Variants in CSMD1 observed in about 807,000 individuals in gnomAD.
CSMD1 encodes CUB and Sushi multiple domains 1.
A neutral mutation model predicts 417.5 loss-of-function variants in CSMD1; 213 were observed. That is an observed-to-expected ratio of 0.51 (90% confidence interval 0.46 to 0.57). CSMD1 has a LOEUF of 0.57. Ranked by LOEUF, CSMD1 falls within the 20% of genes least tolerant of loss-of-function variation. The pLI is 0.00. For missense variants in CSMD1, 6,923 were observed against 4,529.7 expected (o/e 1.53, Z -15.17); for synonymous variants, 2,862 against 1,736.8 (o/e 1.65, Z -16.11).
chr8:3,640,124 G>A (rs1308372876), intron 7 of CSMD1, among the ~76,000 whole-genome samples: 1 of 152,076 alleles, frequency 6.6e-6, no homozygotes, highest in Non-Finnish European at 1.5e-5. Flanking sequence ...TTTTCCACCT[G>A]TCCCACTTTT....
At position 4,002,388 on chromosome 8, in the gene CSMD1, G is replaced by C. The variant is rs182652749; in HGVS notation, c.611-4278C>G. On this transcript the variant is annotated intron_variant, in intron 4 of 69. Transcript: ENST00000635120. ...AAACAGCAACATTTTAAACATAATA[G>C]CATTTGAAGAAGAGCTACCTAACTA... Among the ~76,000 whole-genome samples, 104 of 152,216 alleles carry C rather than the reference G, an allele frequency of 6.8e-4. 1 individual carries two copies. The highest frequency in any genetic ancestry group is 2.4e-3 in the African/African-American group (98 of 41,534).
At chr8:4,011,532 A>C (rs1816534139) in intron 4 of CSMD1, among the ~76,000 whole-genome samples, 1 of 152,144 alleles carries the variant, frequency 6.6e-6, no homozygotes, top group Non-Finnish European at 1.5e-5. Flanking sequence ...GGTTTCCTGC[A>C]GAAGGCCCAC....
At chr8:3,886,421 T>G (rs1806567253) in intron 5 of CSMD1, among the ~76,000 whole-genome samples, 1 of 152,212 alleles carries the variant, frequency 6.6e-6, no homozygotes, top group Non-Finnish European at 1.5e-5. Flanking sequence ...TGATTTAGAA[T>G]GTAATCGATT....
chr8:4,446,771 G>GTC (rs1460236197), intron 2 of CSMD1, among the ~76,000 whole-genome samples: 6 of 145,814 alleles, frequency 4.1e-5, no homozygotes, highest in Non-Finnish European at 9.0e-5. Flanking sequence ...GTGTGTGTGT[G>GTC]TGTGTGTGTG....
At position 3,615,263 on chromosome 8, in the gene CSMD1, G is replaced by T. The variant is rs1402301932; in HGVS notation, c.1097+1447C>A. On this transcript the variant is annotated intron_variant, in intron 8 of 69. Transcript: ENST00000635120. Reference sequence around the variant, plus strand: ...CAGCAAAGTGGGTACAAAAGGTGAGGCCTGCTTGTCAGTACAGTTTGTGCC... The same window carrying T: ...CAGCAAAGTGGGTACAAAAGGTGAGTCCTGCTTGTCAGTACAGTTTGTGCC... 3.3e-5 allele frequency among the ~76,000 whole-genome samples: 5 copies of T among 152,096 alleles called. No homozygotes were observed. The East Asian group carries it at 9.7e-4, about 29-fold the overall frequency.
chr8:4,773,429 C>T (rs994927571), intron 1 of CSMD1, among the ~76,000 whole-genome samples: 7 of 152,240 alleles, frequency 4.6e-5, no homozygotes, highest in Admixed American at 3.3e-4. Flanking sequence ...ACTAACGTAT[C>T]GCTGTTTGGG....
rs956764064 is a variant in CSMD1, at chr8:3,928,373, A to G, written c.818+69530T>C. 3.5e-5 allele frequency among the ~76,000 whole-genome samples: 5 copies of G among 142,036 alleles called. No individual in the cohort carries two copies. The South Asian group carries it at 8.8e-4, about 25-fold the overall frequency. The allele number at this position is 142,036 out of a possible 152,430, so 93.2% of individuals were successfully genotyped here. ...TGATATATTGCCCTTTTTAAAGTGC[A>G]TAAAAAAATGTGTAGGTAGCAGTGA... On this transcript the variant is annotated intron_variant, in intron 5 of 69. Coordinates refer to ENST00000635120, the MANE Select transcript of CSMD1 (RefSeq NM_033225.6).
intron 1 of CSMD1, among the ~76,000 whole-genome samples, chr8:4,915,182 A>G (rs915722545): frequency 4.6e-5 from 7 of 152,156 alleles, no homozygotes; most frequent in African/African-American, 1.7e-4. Flanking sequence ...AGAGAAATGC[A>G]TATATACACA....
rs149909271 is a variant in CSMD1 at position 3,299,060 on chromosome 8, C to G, written c.3950+8635G>C. On this transcript the variant is annotated intron_variant, in intron 25 of 69. Transcript: ENST00000635120. ...CAACAAAAAATATGATACAACAAAA[C>G]TTAAATGTAGGTAAGTGTCAGTCAT... 1.6e-3 allele frequency among the ~76,000 whole-genome samples: 242 copies of G among 152,168 alleles called. 3 individuals are homozygous for G. The East Asian group carries it at 0.031, about 19-fold the overall frequency.
At chr8:4,439,848 T>C (rs1368538326) in intron 2 of CSMD1, among the ~76,000 whole-genome samples, 1 of 152,152 alleles carries the variant, frequency 6.6e-6, no homozygotes, top group Non-Finnish European at 1.5e-5. Context: ...AGAAGGCAGC[T>C]TCGAAAGATA....
chr8:4,624,190 A>G (rs17070859), intron 2 of CSMD1, among the ~76,000 whole-genome samples: 10,102 of 152,224 alleles, frequency 0.066, 558 homozygotes, highest in East Asian at 0.18. Flanking sequence ...TACTGTTCCA[A>G]GAATGAGATG....
At chr8:3,483,130 A>T (rs1351811480) in intron 11 of CSMD1, among the ~76,000 whole-genome samples, 1 of 152,112 alleles carries the variant, frequency 6.6e-6, no homozygotes, top group Admixed American at 6.5e-5. Context: ...AGAGGTCTAA[A>T]TTAATGAAAT....
chr8:4,029,161 C>A (rs1797214798), intron 4 of CSMD1, among the ~76,000 whole-genome samples: 1 of 152,084 alleles, frequency 6.6e-6, no homozygotes, highest in Non-Finnish European at 1.5e-5. Context: ...GCTAGAAGGA[C>A]ATAAACATTG....
intron 49 of CSMD1, among the ~76,000 whole-genome samples, chr8:3,080,341 A>G (rs1484397725): frequency 6.6e-6 from 1 of 152,224 alleles, no homozygotes; most frequent in Admixed American, 6.5e-5. Flanking sequence ...TTCTTGCTTT[A>G]AGGCAGGAAA....
At chr8:3,708,291 T>C in intron 7 of CSMD1, 123 bp downstream of exon 7, 2 of 727,242 alleles carry the variant, frequency 2.8e-6, no homozygotes, top group South Asian at 3.4e-5. Context: ...TACTTTTGGA[T>C]ATAGAAAAGA....
intron 1 of CSMD1, among the ~76,000 whole-genome samples, chr8:4,943,701 G>A (rs1455604233): frequency 1.3e-5 from 2 of 152,186 alleles, no homozygotes; most frequent in East Asian, 1.9e-4. Flanking sequence ...TGTTCCACAT[G>A]TCATTCCTAA....
intron 1 of CSMD1, among the ~76,000 whole-genome samples, chr8:4,685,503 G>T (rs963184944): frequency 2.0e-5 from 3 of 152,018 alleles, no homozygotes; most frequent in Admixed American, 6.6e-5. Flanking sequence ...TAGAACTCAG[G>T]AGGCGGAGGT....
intron 5 of CSMD1, among the ~76,000 whole-genome samples, chr8:3,802,515 G>C (rs532296817): frequency 2.5e-4 from 38 of 152,208 alleles, no homozygotes; most frequent in African/African-American, 8.4e-4. Context: ...CACTTTCTAA[G>C]CTCAGTGGGA....
chr8:4,464,428 A>G (rs962092902), intron 2 of CSMD1, among the ~76,000 whole-genome samples: 12 of 152,212 alleles, frequency 7.9e-5, no homozygotes, highest in Non-Finnish European at 1.5e-4. Context: ...TGCCTACCTT[A>G]AACACACTCA....
Sources: allele counts gnomAD v4.1 joint callset (sites outside exome capture counted in the v4.1 genomes callset), GRCh38; gene constraint gnomAD v4.1.1; transcripts MANE v1.5; gene names NCBI Gene and HGNC (gene_info 2026-07-23, HGNC 2026-07-21).